TBXAS1: variants seen among roughly 807,000 people sequenced by gnomAD.
TBXAS1 encodes the protein thromboxane A synthase 1, also known as thromboxane-A synthase.
In TBXAS1, 48 loss-of-function variants were observed where a neutral mutation model predicts 60.7. The observed-to-expected ratio is 0.79, with a 90% CI of 0.63 to 1.01. TBXAS1 has a LOEUF of 1.01. Among genes scored for constraint, TBXAS1 ranks in the 50% least tolerant of loss-of-function variants. TBXAS1 has a pLI of 0.00. For synonymous variants in TBXAS1, 287 were observed against 269.7 expected (o/e 1.06, Z -0.63); for missense variants, 685 against 686.3 (o/e 1.00, Z 0.02).
intron 4 of TBXAS1, among the ~76,000 whole-genome samples, chr7:139,800,034 C>G (rs1441993284): frequency 1.3e-5 from 2 of 152,178 alleles, no homozygotes; most frequent in African/African-American, 4.8e-5. Context: ...AACCCGTCGG[C>G]AAGTCCCACA....
At chr7:139,870,002 G>A (rs2116794958) in intron 1 of TBXAS1, among the ~76,000 whole-genome samples, 1 of 152,282 alleles carries the variant, frequency 6.6e-6, no homozygotes, top group East Asian at 1.9e-4. Flanking sequence ...AGATTTGGGT[G>A]CAGGAACTTG....
chr7:139,813,597 G>C (rs903049219), intron 4 of TBXAS1, among the ~76,000 whole-genome samples: 3 of 152,124 alleles, frequency 2.0e-5, no homozygotes, highest in African/African-American at 7.2e-5. Flanking sequence ...ACCTGTTCTC[G>C]GACCTTTGGT....
At chr7:139,843,894 C>T (rs1333509081) in intron 1 of TBXAS1, among the ~76,000 whole-genome samples, 1 of 152,224 alleles carries the variant, frequency 6.6e-6, no homozygotes, top group Admixed American at 6.5e-5. Context: ...CCTAATTGCA[C>T]ACTAGTGGTA....
intron 1 of TBXAS1, among the ~76,000 whole-genome samples, chr7:139,846,750 C>T (rs936507306): frequency 6.6e-6 from 1 of 152,122 alleles, no homozygotes; most frequent in Non-Finnish European, 1.5e-5. Context: ...TAGCTTTTGA[C>T]CTTGAACAAG....
chr7:139,831,148 G>A (rs545870286), intron 1 of TBXAS1, among the ~76,000 whole-genome samples: 1 of 152,152 alleles, frequency 6.6e-6, no homozygotes, highest in Non-Finnish European at 1.5e-5. Context: ...CCTGGTACAA[G>A]GTCAGGAAGC....
intron 1 of TBXAS1, among the ~76,000 whole-genome samples, chr7:139,867,684 G>A (rs1303169410): frequency 6.6e-6 from 1 of 152,118 alleles, no homozygotes; most frequent in African/African-American, 2.4e-5. Context: ...GCCTGGCGTG[G>A]TGGGCGCCTG....
chr7:139,936,634 T>C (rs1807812822), intron 5 of TBXAS1, among the ~76,000 whole-genome samples: 1 of 151,338 alleles, frequency 6.6e-6, no homozygotes, highest in African/African-American at 2.5e-5. Flanking sequence ...TGTTGGACTG[T>C]CATGCATAAT....
chr7:139,813,400 G>A (rs1356283227), intron 4 of TBXAS1, among the ~76,000 whole-genome samples: 1 of 152,178 alleles, frequency 6.6e-6, no homozygotes, highest in Non-Finnish European at 1.5e-5. Context: ...GCCTGGCTGA[G>A]GAAACACCCT....
At chr7:139,824,988 C>T (rs1327366747), upstream of TBXAS1, among the ~76,000 whole-genome samples, 1 of 151,836 alleles carries the variant, frequency 6.6e-6, no homozygotes, top group Non-Finnish European at 1.5e-5. Flanking sequence ...TGCCATCATG[C>T]CTGGCAAATT....
intron 9 of TBXAS1, among the ~76,000 whole-genome samples, chr7:139,997,663 A>C (rs1164226106): frequency 6.6e-6 from 1 of 152,146 alleles, no homozygotes; most frequent in East Asian, 1.9e-4. Flanking sequence ...TAGTGGTTAC[A>C]TTTCAGAATA....
rs954166314 is a variant in TBXAS1, at chr7:140,017,145, A to C, written c.1365-526A>C. ...TGTCCAGTGCAGGGGCCTGCAAAGC[A>C]AACACGGGCAGGAGAGGGGCTGCCA... On this transcript the variant is annotated intron_variant, in intron 11 of 12. Transcript: ENST00000448866. Among the ~76,000 whole-genome samples the C allele has an allele frequency of 2.0e-5, 3 of 152,236 alleles. No homozygotes were observed. The East Asian group carries it at 5.8e-4, about 29-fold the overall frequency.
In TBXAS1 at chr7:139,897,134, A is replaced by G. The variant is rs377408874; in HGVS notation, c.237-14091A>G. Among the ~76,000 whole-genome samples the G allele has an allele frequency of 3.9e-4, 60 of 152,300 alleles. 1 individual carries two copies. The South Asian group carries it at 0.012, about 30-fold the overall frequency. On this transcript the variant is annotated intron_variant, in intron 3 of 12. Coordinates refer to ENST00000448866, the MANE Select transcript of TBXAS1 (RefSeq NM_001061.7). ...TAGACATCAAAGATAAGAAGACAAGATGTGTTTCCACCACTCACAAACGAG... is the reference window on the plus strand; with the variant it reads ...TAGACATCAAAGATAAGAAGACAAGGTGTGTTTCCACCACTCACAAACGAG...
chr7:139,789,822 G>A (rs1447896301), intron 4 of TBXAS1, among the ~76,000 whole-genome samples: 3 of 151,944 alleles, frequency 2.0e-5, no homozygotes, highest in Non-Finnish European at 4.4e-5. Context: ...CTAGGGATGC[G>A]GTTTTGCCAT....
At chr7:139,903,424 T>C (rs902335372) in intron 3 of TBXAS1, among the ~76,000 whole-genome samples, 1 of 152,094 alleles carries the variant, frequency 6.6e-6, no homozygotes, top group African/African-American at 2.4e-5. Context: ...AGTATCTTTT[T>C]TGAATAATGA....
chr7:139,942,443 A>G (rs1054801219), intron 5 of TBXAS1, among the ~76,000 whole-genome samples: 2 of 152,236 alleles, frequency 1.3e-5, no homozygotes, highest in Admixed American at 6.5e-5. Context: ...CTTTGCAGGT[A>G]GCTTCCATGA....
At chr7:140,017,607 G>A (rs1287055976) in intron 11 of TBXAS1, 64 bp from the exon 12 acceptor site, 2 of 1,599,044 alleles carry the variant, frequency 1.3e-6, no homozygotes, top group East Asian at 4.5e-5. Context: ...CTCAGCTGGA[G>A]CACAGGGCTG....
intron 4 of TBXAS1, among the ~76,000 whole-genome samples, chr7:139,929,460 T>C (rs2117149833): frequency 6.6e-6 from 1 of 152,148 alleles, no homozygotes; most frequent in East Asian, 1.9e-4. Flanking sequence ...GAGCATGTAA[T>C]AGGAATGAGT....
At chr7:139,820,007 A>G (rs17178522) in intron 4 of TBXAS1, among the ~76,000 whole-genome samples, 15,255 of 151,850 alleles carry the variant, frequency 0.1, 862 homozygotes, top group Non-Finnish European at 0.13. Context: ...AACTTGCCTG[A>G]AATGCCATTT....
rs1485761397 is a variant in TBXAS1, at chr7:140,015,811, C to T, written c.1315C>T (p.His439Tyr). 6.2e-7 allele frequency: 1 copy of T among 1,613,784 alleles called. No homozygotes were observed. The highest frequency in any genetic ancestry group is 1.1e-5 in the South Asian group (1 of 91,092). Residue 439 changes from histidine to tyrosine, a missense_variant, in exon 11 of 13, where the codon CAC becomes TAC. By Grantham distance (83) the His-to-Tyr change is moderately conservative (BLOSUM62 2). Coordinates refer to ENST00000448866, the MANE Select transcript of TBXAS1 (RefSeq NM_001061.7). ...GCTAGAGATGGCCGTGGGTGCCCTG[C>T]ACCATGACCCTGAGCACTGGCCAAG... The part of the protein sequence containing the change: ...AVLEMAVGAL[H>Y]HDPEHWPSPE...
Sources: allele counts gnomAD v4.1 joint callset (sites outside exome capture counted in the v4.1 genomes callset), GRCh38; gene constraint gnomAD v4.1.1; transcripts MANE v1.5; gene names NCBI Gene and HGNC (gene_info 2026-07-23, HGNC 2026-07-21).